Variants in LEF1 observed in about 807,000 individuals in gnomAD.
LEF1 encodes lymphoid enhancer-binding factor 1.
LEF1 carries 14 observed loss-of-function variants against 51.2 expected under a neutral mutation model. The ratio of observed to expected loss-of-function variants is 0.27; its 90% CI spans 0.18 to 0.43. The LOEUF (loss-of-function observed/expected upper bound fraction) is 0.43, where lower values mean the gene tolerates loss of function less well. Among genes scored for constraint, LEF1 ranks in the 20% least tolerant of loss-of-function variants. LEF1 has a pLI of 1.00. For missense variants in LEF1, 386 were observed against 512.0 expected, an observed-to-expected ratio of 0.75 and a Z score of 2.37; for synonymous variants, 185 against 183.2, an observed-to-expected ratio of 1.01 and a Z score of -0.08.
At chr4:108,147,570 C>T (rs1012458513) in intron 3 of LEF1, among the ~76,000 whole-genome samples, 1 of 152,062 alleles carries the variant, frequency 6.6e-6, no homozygotes, top group Non-Finnish European at 1.5e-5. Flanking sequence ...TACATATAAT[C>T]CTGTATTATG....
rs1745518360 is a variant in LEF1, at chr4:108,167,891, G to C, written c.-124C>G. ...GGAAGGGTTCGTGCAGCAGGACAGCGGGCGGAAGCGGGGCGGGCGAGCGCG... is the reference window on the plus strand; with the variant it reads ...GGAAGGGTTCGTGCAGCAGGACAGCCGGCGGAAGCGGGGCGGGCGAGCGCG... On this transcript the variant is annotated 5_prime_UTR_variant, in exon 1 of 12. Transcript: ENST00000265165. This position sits in a 1 kb window ranked among gnomAD's most constrained non-coding sequence, Gnocchi z 5.7. 2.9e-6 allele frequency: 2 copies of C among 695,334 alleles called. No homozygotes were observed. Among genetic ancestry groups the C allele is most frequent in the Non-Finnish European group, 4.2e-6 (2 of 476,150 alleles). 43.1% of individuals were successfully genotyped at this position (695,334 alleles called of 1,614,324 possible). A position where few individuals can be genotyped will look rare whatever the true frequency, so the allele number is the denominator to read the frequency against.
At chr4:108,138,059 G>T (rs1043197570) in intron 3 of LEF1, among the ~76,000 whole-genome samples, 6 of 152,134 alleles carry the variant, frequency 3.9e-5, no homozygotes, top group Non-Finnish European at 5.9e-5. Context: ...CCTTTAGGAT[G>T]ACCCCAACAA....
At chr4:108,113,331 T>C (rs1186249932) in intron 3 of LEF1, among the ~76,000 whole-genome samples, 3 of 152,146 alleles carry the variant, frequency 2.0e-5, no homozygotes, top group African/African-American at 7.2e-5. Context: ...GAGAGCCAGC[T>C]GAGTTTGGGT....
chr4:108,165,733 G>C (rs1745344091), intron 1 of LEF1, among the ~76,000 whole-genome samples: 1 of 152,190 alleles, frequency 6.6e-6, no homozygotes, highest in Admixed American at 6.5e-5. Flanking sequence ...GCTTACAAAA[G>C]TAGAACGATT....
chr4:108,056,421 A>G (rs1484782070), intron 11 of LEF1, among the ~76,000 whole-genome samples: 1 of 152,230 alleles, frequency 6.6e-6, no homozygotes, highest in African/African-American at 2.4e-5. Flanking sequence ...TTTCTCCTTA[A>G]GTGAGCACCA....
intron 9 of LEF1, among the ~76,000 whole-genome samples, chr4:108,064,881 A>C (rs561451466): frequency 6.6e-6 from 1 of 152,204 alleles, no homozygotes; most frequent in African/African-American, 2.4e-5. Flanking sequence ...CTTAAGATAA[A>C]CCTTACTGTG....
intron 3 of LEF1, among the ~76,000 whole-genome samples, chr4:108,157,173 T>TACACACAC (rs1371267234): frequency 1.9e-3 from 128 of 67,072 alleles, no homozygotes; most frequent in Admixed American, 7.9e-3. Flanking sequence ...TCTCTCTATA[T>TACACACAC]ATATATACAC....
chr4:108,163,451 C>T (rs546675128), intron 3 of LEF1, 117 bp downstream of exon 3: 7 of 1,085,868 alleles, frequency 6.4e-6, no homozygotes, highest in East Asian at 2.4e-5. Flanking sequence ...TATTTAGCAA[C>T]GACTAGTTAT....
intron 4 of LEF1, among the ~76,000 whole-genome samples, chr4:108,084,416 T>C (rs1245301213): frequency 3.9e-5 from 6 of 152,242 alleles, no homozygotes; most frequent in African/African-American, 1.4e-4. Context: ...GTAAATATTA[T>C]ATACTGGCTA....
chr4:108,056,329 T>C (rs1396113162), intron 11 of LEF1, among the ~76,000 whole-genome samples: 1 of 152,164 alleles, frequency 6.6e-6, no homozygotes, highest in Non-Finnish European at 1.5e-5. Context: ...GCTTTCCAAT[T>C]TCCAGTTTTC....
intron 3 of LEF1, among the ~76,000 whole-genome samples, chr4:108,114,867 C>T (rs535891453): frequency 6.6e-6 from 1 of 152,310 alleles, no homozygotes; most frequent in South Asian, 2.1e-4. Flanking sequence ...ACAGAAACTC[C>T]AGAGACCACT....
At chr4:108,132,659 C>CCTTTTTTTTTTTTTTTT (rs1742969806) in intron 3 of LEF1, among the ~76,000 whole-genome samples, 1 of 47,438 alleles carries the variant, frequency 2.1e-5, no homozygotes, top group Non-Finnish European at 3.6e-5. Context: ...GAAAATCTGC[C>CCTTTTTTTTTTTTTTTT]TTTTTTTTTT....
At chr4:108,058,291 A>T (rs1032829299) in intron 11 of LEF1, among the ~76,000 whole-genome samples, 3 of 152,230 alleles carry the variant, frequency 2.0e-5, no homozygotes, top group Non-Finnish European at 2.9e-5. Context: ...TAAAGGTGGT[A>T]GGCTTTTTAT....
intron 11 of LEF1, among the ~76,000 whole-genome samples, chr4:108,054,680 G>C (rs573171222): frequency 2.6e-5 from 4 of 152,272 alleles, no homozygotes; most frequent in Admixed American, 2.6e-4. Context: ...AAGACCAACA[G>C]GGTATTCTGC....
Position 108,048,464 on chromosome 4 carries a change from G to A in LEF1, c.*294C>T. 2.7e-6 allele frequency: 1 copy of A among 375,108 alleles called. No individual in the cohort carries two copies. The highest frequency in any genetic ancestry group is 1.0e-4 in the South Asian group (1 of 9,886). The allele number at this position is 375,108 out of a possible 1,614,324, so 23.2% of individuals were successfully genotyped here. Reference sequence around the variant, plus strand: ...AGAAAAGCTGCTCAGCTGCCCCACAGCCTGCTAGCATTCTCATGTGCTTTT... The same window carrying A: ...AGAAAAGCTGCTCAGCTGCCCCACAACCTGCTAGCATTCTCATGTGCTTTT... On this transcript the variant is annotated 3_prime_UTR_variant, in exon 12 of 12. Transcript: ENST00000265165.
At chr4:108,109,668 T>C (rs777365082) in intron 3 of LEF1, among the ~76,000 whole-genome samples, 1 of 152,222 alleles carries the variant, frequency 6.6e-6, no homozygotes, top group African/African-American at 2.4e-5. Context: ...CACTAGATAT[T>C]ACCACTCCCA....
At chr4:108,149,184 G>C (rs902874792) in intron 3 of LEF1, among the ~76,000 whole-genome samples, 3 of 152,124 alleles carry the variant, frequency 2.0e-5, no homozygotes, top group Admixed American at 6.5e-5. Flanking sequence ...GATTGGCCGG[G>C]CGCGGTGGCT....
At chr4:108,106,884 T>C (rs760511881) in intron 3 of LEF1, among the ~76,000 whole-genome samples, 1 of 152,150 alleles carries the variant, frequency 6.6e-6, no homozygotes, top group Non-Finnish European at 1.5e-5. Context: ...CTTCTGTGAG[T>C]GCACAGAGAG....
intron 5 of LEF1, among the ~76,000 whole-genome samples, chr4:108,083,050 C>A (rs1739415900): frequency 6.6e-6 from 1 of 152,168 alleles, no homozygotes; most frequent in Non-Finnish European, 1.5e-5. Flanking sequence ...AAGAACCACA[C>A]TGAGCACTAA....
Sources: gnomAD v4.1 joint callset for allele counts (sites outside exome capture counted in the v4.1 genomes callset) on GRCh38, gnomAD v4.1.1 for gene constraint, Gnocchi (gnomAD v3.1) non-coding constraint, MANE v1.5 for transcripts, NCBI Gene and HGNC (gene_info 2026-07-23, HGNC 2026-07-21) for gene names.